Variants in DNAH7 observed in about 807,000 individuals in gnomAD.
The protein encoded by DNAH7 is axonemal beta dynein heavy chain 7.
DNAH7 carries 397 observed loss-of-function variants against 444.6 expected under a neutral mutation model. That is an observed-to-expected ratio of 0.89 (90% CI 0.82 to 0.97). The LOEUF (loss-of-function observed/expected upper bound fraction) is 0.97. DNAH7 is among the 50% of genes least tolerant of loss of function. DNAH7 has a pLI of 0.00. For missense variants in DNAH7, 4,902 were observed against 4,800.8 expected, an observed-to-expected ratio of 1.02 and a Z score of -0.62; for synonymous variants, 1,636 against 1,624.4, an observed-to-expected ratio of 1.01 and a Z score of -0.17.
chr2:195,925,033 G>T (rs1296355336), intron 22 of DNAH7, among the ~76,000 whole-genome samples: 1 of 152,160 alleles, frequency 6.6e-6, no homozygotes, highest in East Asian at 1.9e-4. Flanking sequence ...AACTAAAAGT[G>T]AGGGTTCCCA....
chr2:195,944,604 C>T (rs1040666183), intron 19 of DNAH7, among the ~76,000 whole-genome samples: 3 of 152,128 alleles, frequency 2.0e-5, no homozygotes, highest in African/African-American at 7.2e-5. Context: ...TCAGTTTTCA[C>T]CACCCCATGC....
chr2:195,794,712 A>G (rs1574447360), intron 56 of DNAH7, among the ~76,000 whole-genome samples, 174 bp from the exon 57 acceptor site: 2 of 152,298 alleles, frequency 1.3e-5, no homozygotes, highest in Admixed American at 1.3e-4. Flanking sequence ...TAAAACAATA[A>G]CACCTTGTTG....
In DNAH7 at chr2:195,864,749, T is replaced by C; in HGVS notation, c.6906A>G (p.Glu2302=). The change falls in exon 41 of 65, where the codon GAA becomes GAG. Residue 2302 remains glutamate, a synonymous_variant. Transcript: ENST00000312428. ...TGGGTTTTTTGCTTATATTGTTGTA[T>C]TCTTCTAGGTGAATTTCTACTATCA... ...LRMIVEIHLE[E]YNNISKKPMN... 6.2e-7 allele frequency: 1 copy of C among 1,614,244 alleles called. No individual in the cohort carries two copies. Among genetic ancestry groups the C allele is most frequent in the Non-Finnish European group, 8.5e-7 (1 of 1,180,044 alleles).
chr2:195,787,514 A>G (rs1469641289), intron 57 of DNAH7, among the ~76,000 whole-genome samples: 1 of 152,182 alleles, frequency 6.6e-6, no homozygotes, highest in Non-Finnish European at 1.5e-5. Flanking sequence ...GTGCTCCCAG[A>G]TCACCATGGA....
intron 5 of DNAH7, 105 bp from the exon 6 acceptor site, chr2:196,028,152 A>AAAAATG (rs1402725260): frequency 2.2e-6 from 2 of 889,398 alleles, no homozygotes; most frequent in Non-Finnish European, 3.4e-6. Context: ...AATCATAAGG[A>AAAAATG]AAAATGAATT....
rs541981920 is a variant in DNAH7, at chr2:195,768,836, G to A, written c.11433+2824C>T. 5.3e-5 allele frequency among the ~76,000 whole-genome samples: 8 copies of A among 152,094 alleles called. No individual in the cohort carries two copies. The East Asian group carries it at 7.7e-4, about 15-fold the overall frequency. ...ACAAATATATAGGTTCAACATGTTC[G>A]TTTGCTAAATTTATTGTCATAATTT... is the stretch of plus-strand genomic sequence containing the variant. On this transcript the variant is annotated intron_variant, in intron 61 of 64. Transcript: ENST00000312428.
intron 19 of DNAH7, among the ~76,000 whole-genome samples, chr2:195,955,034 C>T (rs932880783): frequency 3.9e-5 from 6 of 152,206 alleles, no homozygotes; most frequent in South Asian, 2.1e-4. Context: ...TTTAATTATA[C>T]CCCATTTGTC....
At chr2:195,938,123 G>A (rs1175917206) in intron 19 of DNAH7, among the ~76,000 whole-genome samples, 1 of 151,930 alleles carries the variant, frequency 6.6e-6, no homozygotes, top group Admixed American at 6.6e-5. Flanking sequence ...TACTTTGAAT[G>A]TGTCTGAAAA....
At chr2:195,926,703 A>G (rs1409859838) in intron 21 of DNAH7, 137 bp from the exon 22 acceptor site, 1 of 687,922 alleles carries the variant, frequency 1.5e-6, no homozygotes, top group African/African-American at 1.8e-5. Flanking sequence ...ACTCACTTAA[A>G]CCGTGTGATT....
intron 55 of DNAH7, among the ~76,000 whole-genome samples, chr2:195,797,564 G>A (rs1335259341): frequency 6.6e-6 from 1 of 152,164 alleles, no homozygotes; most frequent in African/African-American, 2.4e-5. Flanking sequence ...GGGGCTCAAA[G>A]GGTCGTCAAG....
At chr2:195,841,798 T>C (rs1032756407) in intron 47 of DNAH7, among the ~76,000 whole-genome samples, 106 of 152,120 alleles carry the variant, frequency 7.0e-4, no homozygotes, top group African/African-American at 2.4e-3. Flanking sequence ...GGAAATTGAA[T>C]TTTTATAGCA....
chr2:195,879,972 T>G (rs1439963497), intron 36 of DNAH7, among the ~76,000 whole-genome samples: 1 of 152,222 alleles, frequency 6.6e-6, no homozygotes, highest in Non-Finnish European at 1.5e-5. Context: ...AATTTTTTTT[T>G]GTTGTATTGT....
intron 47 of DNAH7, among the ~76,000 whole-genome samples, chr2:195,842,488 T>C (rs1170079553): frequency 6.6e-6 from 1 of 152,096 alleles, no homozygotes; most frequent in Non-Finnish European, 1.5e-5. Flanking sequence ...GTAAAGAAGA[T>C]ACTTAGCTGA....
At position 195,798,532 on chromosome 2, in the gene DNAH7, G is replaced by A. The variant is rs1458532707; in HGVS notation, c.10353+764C>T. Reference sequence around the variant, plus strand: ...TTTTTAAAGACAAGGCATGTAAATAGTAGAATTTTTTTTTTTTTTTTTTTT... The same window carrying A: ...TTTTTAAAGACAAGGCATGTAAATAATAGAATTTTTTTTTTTTTTTTTTTT... On this transcript the variant is annotated intron_variant, in intron 55 of 64. Coordinates refer to ENST00000312428, the MANE Select transcript of DNAH7 (RefSeq NM_018897.3). Among the ~76,000 whole-genome samples, 4 of 145,048 alleles carry A rather than the reference G, an allele frequency of 2.8e-5. No homozygotes were observed. In the East Asian group the frequency reaches 6.2e-4, roughly 22 times the overall value.
chr2:195,756,371 T>TGGCCGAA, intron 61 of DNAH7, 86 bp from the exon 62 acceptor site: 2 of 1,181,196 alleles, frequency 1.7e-6, no homozygotes, highest in Non-Finnish European at 2.3e-6. Context: ...TCCTTCATGA[T>TGGCCGAA]TATCCTTTGT....
intron 10 of DNAH7, among the ~76,000 whole-genome samples, chr2:196,011,249 A>G (rs1313413139): frequency 6.6e-6 from 1 of 152,218 alleles, no homozygotes; most frequent in Non-Finnish European, 1.5e-5. Context: ...GTATGAATGC[A>G]TCAAAATATT....
Position 195,900,543 on chromosome 2 carries a change from C to A in DNAH7, c.4336-49G>T, listed in dbSNP as rs571757182. The stretch of plus-strand genomic sequence containing the variant: ...TTTAAAAGGATCATCATAAAATAAG[C>A]TAGGCATGGAAAGATAAATACCACA... On this transcript the variant is annotated intron_variant, in intron 27 of 64. Coordinates refer to ENST00000312428, the MANE Select transcript of DNAH7 (RefSeq NM_018897.3). 5 of 1,552,434 alleles carry A rather than the reference C, an allele frequency of 3.2e-6. No individual in the cohort carries two copies. In the South Asian group the frequency reaches 4.5e-5, roughly 14 times the overall value.
At position 195,864,820 on chromosome 2, in the gene DNAH7, C is replaced by T; in HGVS notation, c.6835G>A (p.Glu2279Lys). 1 of 1,614,182 alleles carries T rather than the reference C, an allele frequency of 6.2e-7. No homozygotes were observed. Among genetic ancestry groups the T allele is most frequent in the Non-Finnish European group, 8.5e-7 (1 of 1,180,026 alleles). ...GCGATTTCTCTGTAGTTGGTATCCT[C>T]CCTCTTGGGATCATGGAAATCACAA... ...MFCDFHDPKREDTNYREIADV... is the reference protein window; with the variant it reads ...MFCDFHDPKRKDTNYREIADV... Residue 2279 changes from glutamate (E) to lysine (K), a missense_variant, in exon 41 of 65, where the codon GAG becomes AAG. Physicochemically the swap from Glu to Lys is moderately conservative, Grantham distance 56. Coordinates refer to ENST00000312428, the MANE Select transcript of DNAH7 (RefSeq NM_018897.3).
chr2:195,875,940 T>C, intron 37 of DNAH7, 97 bp from the exon 38 acceptor site: 2 of 1,183,158 alleles, frequency 1.7e-6, no homozygotes, highest in African/African-American at 1.5e-5. Context: ...AGCTATCTAT[T>C]TGCAGAGTAC....
Sources: gnomAD v4.1 joint callset for allele counts (sites outside exome capture counted in the v4.1 genomes callset) on GRCh38, gnomAD v4.1.1 for gene constraint, MANE v1.5 for transcripts, NCBI Gene and HGNC (gene_info 2026-07-23, HGNC 2026-07-21) for gene names.